Variants in CSMD1 observed in about 807,000 individuals in gnomAD.
CSMD1 encodes the protein CUB and sushi domain-containing protein 1.
CSMD1 carries 213 observed loss-of-function variants against 417.5 expected under a neutral mutation model. That is an observed-to-expected ratio of 0.51 (90% CI 0.46 to 0.57). The LOEUF is 0.57. Among genes scored for constraint, CSMD1 ranks in the 20% least tolerant of loss-of-function variants. CSMD1 has a pLI of 0.00. For missense variants in CSMD1, 6,923 were observed against 4,529.7 expected (o/e 1.53, Z -15.17); for synonymous variants, 2,862 against 1,736.8 (o/e 1.65, Z -16.11).
intron 43 of CSMD1, 109 bp from the exon 44 acceptor site, chr8:3,108,857 T>G (rs929027629): frequency 3.1e-5 from 34 of 1,080,344 alleles, no homozygotes; most frequent in Non-Finnish European, 4.5e-5. Context: ...ATAAAACATA[T>G]GCATTCTCAG....
intron 3 of CSMD1, among the ~76,000 whole-genome samples, chr8:4,362,161 T>C (rs1346588245): frequency 2.6e-5 from 4 of 152,174 alleles, no homozygotes; most frequent in African/African-American, 9.7e-5. Context: ...TAATTCAATT[T>C]ACATGAGTAC....
chr8:4,108,292 C>G (rs1169327278), intron 3 of CSMD1, among the ~76,000 whole-genome samples: 1 of 152,142 alleles, frequency 6.6e-6, no homozygotes, highest in African/African-American at 2.4e-5. Flanking sequence ...CTCTGGGAAG[C>G]CAGTAAACTC....
At chr8:3,564,261 G>C (rs557797218) in intron 10 of CSMD1, among the ~76,000 whole-genome samples, 1 of 151,960 alleles carries the variant, frequency 6.6e-6, no homozygotes, top group South Asian at 2.1e-4. Context: ...CCTAACTTAA[G>C]CAACTTTTAT....
At chr8:4,407,540 T>C (rs1180377432) in intron 3 of CSMD1, among the ~76,000 whole-genome samples, 1 of 152,208 alleles carries the variant, frequency 6.6e-6, no homozygotes, top group Non-Finnish European at 1.5e-5. Flanking sequence ...AGTACAGATA[T>C]CTTGTGCTAA....
chr8:4,742,047 T>TTTTTTTTC (rs1810646615), intron 1 of CSMD1, among the ~76,000 whole-genome samples: 1 of 102,142 alleles, frequency 9.8e-6, no homozygotes, highest in African/African-American at 3.9e-5. Context: ...TTTTTTTTTT[T>TTTTTTTTC]TGAGACGGAG....
At chr8:3,676,688 G>T (rs886534691) in intron 7 of CSMD1, among the ~76,000 whole-genome samples, 7 of 152,112 alleles carry the variant, frequency 4.6e-5, no homozygotes, top group African/African-American at 1.7e-4. Flanking sequence ...ATATCTTAAA[G>T]ATGACTGTCC....
intron 3 of CSMD1, among the ~76,000 whole-genome samples, chr8:4,380,720 T>C (rs1803048190): frequency 6.6e-6 from 1 of 152,192 alleles, no homozygotes; most frequent in South Asian, 2.1e-4. Flanking sequence ...GGATGTTGTA[T>C]CTATGGGAGC....
intron 42 of CSMD1, among the ~76,000 whole-genome samples, chr8:3,113,666 C>T (rs1816675520): frequency 6.6e-6 from 1 of 152,108 alleles, no homozygotes; most frequent in Non-Finnish European, 1.5e-5. Flanking sequence ...CATTGACATC[C>T]CTGAGAAGTG....
At chr8:4,612,443 C>T (rs1161462579) in intron 2 of CSMD1, among the ~76,000 whole-genome samples, 2 of 152,166 alleles carry the variant, frequency 1.3e-5, no homozygotes, top group East Asian at 1.9e-4. Context: ...AGGGAAGATG[C>T]CACCTACCTG....
At chr8:3,732,504 TA>T (rs905704854) in intron 6 of CSMD1, among the ~76,000 whole-genome samples, 31 of 151,484 alleles carry the variant, frequency 2.0e-4, no homozygotes, top group African/African-American at 7.6e-4. Flanking sequence ...TCAATAGCTA[TA>T]AGAGGAAAAT....
chr8:4,373,011 A>G (rs1276812407), intron 3 of CSMD1, among the ~76,000 whole-genome samples: 4 of 152,218 alleles, frequency 2.6e-5, no homozygotes. Context: ...CTCAGCTAGC[A>G]TCAGCAGTGA....
intron 5 of CSMD1, among the ~76,000 whole-genome samples, chr8:3,817,399 A>G (rs2720738): frequency 0.49 from 72,815 of 149,570 alleles, 18,520 homozygotes; most frequent in African/African-American, 0.64. Context: ...TTCTGCCTCA[A>G]CCTCCCAAGT....
chr8:3,921,626 T>G (rs1754226546), intron 5 of CSMD1, among the ~76,000 whole-genome samples: 1 of 152,184 alleles, frequency 6.6e-6, no homozygotes, highest in Admixed American at 6.6e-5. Context: ...TGGATTTCCC[T>G]TTTGATTTCT....
At chr8:4,658,528 T>A (rs566088362) in intron 1 of CSMD1, among the ~76,000 whole-genome samples, 1 of 152,278 alleles carries the variant, frequency 6.6e-6, no homozygotes, top group South Asian at 2.1e-4. Flanking sequence ...CAGCAAACTA[T>A]GCTTCAGAAA....
At chr8:4,329,398 C>G (rs545157334) in intron 3 of CSMD1, among the ~76,000 whole-genome samples, 1 of 152,044 alleles carries the variant, frequency 6.6e-6, no homozygotes, top group African/African-American at 2.4e-5. Context: ...AAGTGATTCT[C>G]CCACCGCAGC....
At chr8:4,781,989 G>A (rs188791446) in intron 1 of CSMD1, among the ~76,000 whole-genome samples, 1 of 152,150 alleles carries the variant, frequency 6.6e-6, no homozygotes, top group Non-Finnish European at 1.5e-5. Context: ...CATTTCTCCA[G>A]AGTTTCCACT....
chr8:3,189,605 A>C (rs1231299979), intron 34 of CSMD1, among the ~76,000 whole-genome samples: 2 of 152,220 alleles, frequency 1.3e-5, no homozygotes, highest in African/African-American at 4.8e-5. Flanking sequence ...ATAGCAAATC[A>C]ACATGATAAT....
At chr8:4,797,233 G>A (rs1052119544) in intron 1 of CSMD1, among the ~76,000 whole-genome samples, 1 of 152,156 alleles carries the variant, frequency 6.6e-6, no homozygotes, top group Admixed American at 6.5e-5. Context: ...AGGGAGATGA[G>A]GTTTCATCCT....
intron 7 of CSMD1, among the ~76,000 whole-genome samples, chr8:3,644,983 A>AT (rs1797506716): frequency 1.3e-5 from 2 of 151,298 alleles, no homozygotes; most frequent in Admixed American, 6.6e-5. Context: ...AAAAAAAAAA[A>AT]AAAAAAAAGT....
Sources: gnomAD v4.1 joint callset for allele counts (sites outside exome capture counted in the v4.1 genomes callset) on GRCh38, gnomAD v4.1.1 for gene constraint, MANE v1.5 for transcripts, NCBI Gene and HGNC (gene_info 2026-07-23, HGNC 2026-07-21) for gene names.